ATP2B4: variants seen among roughly 807,000 people sequenced by gnomAD.
The protein encoded by ATP2B4 is plasma membrane calcium-transporting ATPase 4.
ATP2B4 carries 39 observed loss-of-function variants against 110.3 expected under a neutral mutation model. The observed-to-expected ratio is 0.35, with a 90% CI of 0.27 to 0.46. The LOEUF is 0.46. ATP2B4 is among the 20% of genes least tolerant of loss of function. The pLI, the probability that ATP2B4 is intolerant of heterozygous loss-of-function variation, is 1.00. For synonymous variants in ATP2B4, 538 were observed against 571.7 expected (o/e 0.94, Z 0.84); for missense variants, 1,135 against 1,530.9 (o/e 0.74, Z 4.32).
At chr1:203,667,360 G>A (rs769685917) in intron 1 of ATP2B4, among the ~76,000 whole-genome samples, 7 of 152,172 alleles carry the variant, frequency 4.6e-5, no homozygotes, top group Middle Eastern at 3.2e-3. Context: ...TAGCAAAGGA[G>A]CAATGTTCCC....
At position 203,739,424 on chromosome 1, in the gene ATP2B4, G is replaced by A. The variant is rs983449413; in HGVS notation, c.3310-122G>A. On this transcript the variant is annotated intron_variant, in intron 20 of 20. Coordinates refer to ENST00000357681, the MANE Select transcript of ATP2B4 (RefSeq NM_001684.5). ...CTTCTGATGTGTGTTTGGTTTTGAT[G>A]CTGAGCAGTCATGTTTTATAGTCTG... 6 of 961,322 alleles carry A rather than the reference G, an allele frequency of 6.2e-6. No individual in the cohort carries two copies. In the African/African-American group the frequency reaches 8.3e-5, roughly 13 times the overall value. 59.5% of individuals were successfully genotyped at this position (961,322 alleles called of 1,614,324 possible). A position where few individuals can be genotyped will look rare whatever the true frequency, so the allele number is the denominator to read the frequency against.
At chr1:203,697,460 A>G (rs1415409415) in intron 2 of ATP2B4, among the ~76,000 whole-genome samples, 1 of 152,224 alleles carries the variant, frequency 6.6e-6, no homozygotes, top group Non-Finnish European at 1.5e-5. Flanking sequence ...TTAATATTTA[A>G]TGTTCTCAGA....
chr1:203,703,888 G>T lies in ATP2B4; in HGVS notation c.1099+75G>T, dbSNP rs1321377167. 2.0e-6 allele frequency: 3 copies of T among 1,508,850 alleles called. No individual in the cohort carries two copies. In the East Asian group the frequency reaches 7.2e-5, roughly 36 times the overall value. The allele number at this position is 1,508,850 out of a possible 1,614,324, so 93.5% of individuals were successfully genotyped here. On this transcript the variant is annotated intron_variant, in intron 8 of 20. Transcript: ENST00000357681. ...TCATCACTTTTATCCCCTTCTTTCT[G>T]CACCGACCGAGACTGGCAGAAAGAA...
intron 20 of ATP2B4, chr1:203,729,544 C>CAA (rs5780193): frequency 8.4e-3 from 2,930 of 347,300 alleles, no homozygotes; most frequent in Admixed American, 0.016. Flanking sequence ...GACTCTGTCT[C>CAA]AAAAAAAAAA....
intron 1 of ATP2B4, among the ~76,000 whole-genome samples, chr1:203,641,134 T>TCTCTTCTTC (rs1359334780): frequency 6.6e-6 from 1 of 152,186 alleles, no homozygotes; most frequent in East Asian, 1.9e-4. Context: ...GCTGTAGCAC[T>TCTCTTCTTC]CTCTTCTTCA....
rs369003402 is a variant in ATP2B4, at chr1:203,682,495, G to A, written c.-464-247G>A. Among the ~76,000 whole-genome samples, 118 of 152,256 alleles carry A rather than the reference G, an allele frequency of 7.8e-4. 1 individual carries two copies. Among genetic ancestry groups the A allele is most frequent in the Non-Finnish European group, 2.1e-4 (14 of 68,032 alleles). On this transcript the variant is annotated intron_variant, in intron 1 of 20. Coordinates refer to ENST00000357681, the MANE Select transcript of ATP2B4 (RefSeq NM_001684.5). Reference sequence around the variant, plus strand: ...GTTGCTTGGTTGGGAGAGGTGAGACGTGAAGACTCGGGTATTGAAATTACT... The same window carrying A: ...GTTGCTTGGTTGGGAGAGGTGAGACATGAAGACTCGGGTATTGAAATTACT...
rs180937765 is a variant in ATP2B4 at position 203,657,016 on chromosome 1, G to C, written c.-464-25726G>C. 2.4e-3 allele frequency: 1,781 copies of C among 747,678 alleles called. 7 individuals carry two copies. Among genetic ancestry groups the C allele is most frequent in the Non-Finnish European group, 3.4e-3 (1,403 of 411,204 alleles). 46.3% of individuals were successfully genotyped at this position (747,678 alleles called of 1,614,324 possible). A position where few individuals can be genotyped will look rare whatever the true frequency, so the allele number is the denominator to read the frequency against. On this transcript the variant is annotated intron_variant, in intron 1 of 20. Transcript: ENST00000357681. ...GCAGCCATCATTTTCAGGACTGTTG[G>C]TAACCTGAGCATATTTTCTCCAAAT...
At chr1:203,733,174 C>T (rs1255978067) in intron 20 of ATP2B4, 1 of 1,553,460 alleles carries the variant, frequency 6.4e-7, no homozygotes, top group Admixed American at 1.8e-5. Context: ...CTTCACCTCT[C>T]TCGGACTGAC....
At chr1:203,700,469 G>T in intron 5 of ATP2B4, 138 bp downstream of exon 5, 2 of 1,240,676 alleles carry the variant, frequency 1.6e-6, no homozygotes, top group Non-Finnish European at 1.1e-6. Context: ...ATTTTGGTGG[G>T]TGGAATACAA....
chr1:203,722,501 A>C lies in ATP2B4; in HGVS notation c.2836A>C (p.Ser946Arg). ...FAGEKFFDID[S>R]GRKAPLHSPP... ...AGGTGAGAAATTCTTTGATATTGAT[A>C]GTGGGAGGAAGGCACCTCTACATTC... The change falls in exon 18 of 21, where the codon AGT becomes CGT. Residue 946 changes from serine (S) to arginine (R), a missense_variant. Transcript: ENST00000357681. 1 of 1,614,016 alleles carries C rather than the reference A, an allele frequency of 6.2e-7. No individual in the cohort carries two copies. Among genetic ancestry groups the C allele is most frequent in the Non-Finnish European group, 8.5e-7 (1 of 1,179,848 alleles).
chr1:203,678,349 G>A (rs1266099257), intron 1 of ATP2B4, among the ~76,000 whole-genome samples: 2 of 149,916 alleles, frequency 1.3e-5, no homozygotes, highest in Admixed American at 6.6e-5. Flanking sequence ...TTACACTTTG[G>A]TGACTTAGGT....
chr1:203,712,981 C>CA (rs1666055626), intron 13 of ATP2B4, among the ~76,000 whole-genome samples, 184 bp from the exon 14 acceptor site: 1 of 152,184 alleles, frequency 6.6e-6, no homozygotes, highest in Admixed American at 6.5e-5. Flanking sequence ...GAATGGTCAT[C>CA]ATCCATGAAT....
intron 1 of ATP2B4, among the ~76,000 whole-genome samples, chr1:203,636,351 G>T (rs937595316): frequency 2.6e-5 from 4 of 151,976 alleles, no homozygotes; most frequent in African/African-American, 9.7e-5. Flanking sequence ...CATCCTGATC[G>T]TCGCTCTGGA....
chr1:203,679,898 A>C (rs188485288), intron 1 of ATP2B4, among the ~76,000 whole-genome samples: 131 of 151,248 alleles, frequency 8.7e-4, no homozygotes, highest in African/African-American at 2.8e-3. Context: ...AACAAACAAA[A>C]AAAACACAAA....
chr1:203,722,320 T>C (rs527501525), intron 17 of ATP2B4, among the ~76,000 whole-genome samples, 158 bp from the exon 18 acceptor site: 1 of 151,946 alleles, frequency 6.6e-6, no homozygotes, highest in African/African-American at 2.4e-5. Context: ...GGTGACAGAG[T>C]GAGACCCTGT....
rs1419791576 is a variant in ATP2B4, at chr1:203,629,170, G to T, written c.-465+1951G>T. ...TTGATTGATCTGACTGCACCCCTCG[G>T]CTAGACAGCTCTTCCCTACCTGTGT... On this transcript the variant is annotated intron_variant, in intron 1 of 20. Coordinates refer to ENST00000357681, the MANE Select transcript of ATP2B4 (RefSeq NM_001684.5). This position sits in a 1 kb window ranked among gnomAD's most constrained non-coding sequence, Gnocchi z 4.6. 6.6e-6 allele frequency among the ~76,000 whole-genome samples: 1 copy of T among 152,168 alleles called. No individual in the cohort carries two copies. The highest frequency in any genetic ancestry group is 1.5e-5 in the Non-Finnish European group (1 of 68,028).
chr1:203,707,028 CA>C lies in ATP2B4; in HGVS notation c.1120del (p.Thr374ArgfsTer5), dbSNP rs1327268165. ...GGACAGGTCTGCTCATGTCTGCTCT[CA>C]CGGTTTTCATCCTGATTCTATACTT... is the stretch of plus-strand genomic sequence containing the variant. ...GKAGLLMSAL[T>X]VFILILYFVI... On this transcript the variant is annotated frameshift_variant, in exon 9 of 21. Coordinates refer to ENST00000357681, the MANE Select transcript of ATP2B4 (RefSeq NM_001684.5). LOFTEE classifies it high-confidence loss of function. 1 of 1,613,908 alleles carries C rather than the reference CA, an allele frequency of 6.2e-7. No homozygotes were observed. The highest frequency in any genetic ancestry group is 1.1e-5 in the South Asian group (1 of 91,016).
chr1:203,685,980 A>G (rs1665166660), intron 2 of ATP2B4, among the ~76,000 whole-genome samples: 1 of 148,678 alleles, frequency 6.7e-6, no homozygotes, highest in Non-Finnish European at 1.5e-5. Flanking sequence ...ACTACTGTCC[A>G]TTTCATTTGC....
chr1:203,688,932 C>T (rs1665285919), intron 2 of ATP2B4, among the ~76,000 whole-genome samples: 1 of 152,044 alleles, frequency 6.6e-6, no homozygotes, highest in African/African-American at 2.4e-5. Context: ...GCTGTGTTGC[C>T]TTGGGTTTAT....
Sources: gnomAD v4.1 joint callset for allele counts (sites outside exome capture counted in the v4.1 genomes callset) on GRCh38, gnomAD v4.1.1 for gene constraint, Gnocchi (gnomAD v3.1) non-coding constraint, MANE v1.5 for transcripts, NCBI Gene and HGNC (gene_info 2026-07-23, HGNC 2026-07-21) for gene names.